The following CACNB2 variants were observed in gnomAD, a reference collection of about 807,000 sequenced individuals.
CACNB2 encodes the protein calcium voltage-gated channel auxiliary subunit beta 2.
CACNB2 carries 42 observed loss-of-function variants against 73.3 expected under a neutral mutation model. The observed-to-expected ratio is 0.57, with a 90% CI of 0.45 to 0.74. The LOEUF is 0.74. Among genes scored for constraint, CACNB2 ranks in the 30% least tolerant of loss-of-function variants. CACNB2 has a pLI of 0.00. For synonymous variants in CACNB2, 348 were observed against 310.3 expected (o/e 1.12, Z -1.28); for missense variants, 940 against 853.0 (o/e 1.10, Z -1.27).
At chr10:18,368,966 T>C (rs191058851) in intron 2 of CACNB2, among the ~76,000 whole-genome samples, 12 of 152,302 alleles carry the variant, frequency 7.9e-5, no homozygotes, top group African/African-American at 2.9e-4. Flanking sequence ...TCATTTGAAA[T>C]GTACTGGTAA....
intron 2 of CACNB2, among the ~76,000 whole-genome samples, chr10:18,240,640 A>G (rs557710502): frequency 1.2e-4 from 18 of 152,280 alleles, no homozygotes; most frequent in Middle Eastern, 3.4e-3. Context: ...CTACTGTTTC[A>G]GCAAAAGCCA....
intron 2 of CACNB2, among the ~76,000 whole-genome samples, chr10:18,325,010 C>T (rs1034585874): frequency 5.3e-5 from 8 of 152,230 alleles, no homozygotes; most frequent in African/African-American, 1.9e-4. Context: ...AAGGGCTCCA[C>T]ACTTGGATTA....
intron 3 of CACNB2, among the ~76,000 whole-genome samples, chr10:18,451,165 T>C (rs2047005186): frequency 6.6e-6 from 1 of 152,196 alleles, no homozygotes; most frequent in African/African-American, 2.4e-5. Flanking sequence ...TTGGACACAT[T>C]TGAGCATTTC....
chr10:18,193,930 A>T (rs940597436), intron 2 of CACNB2, among the ~76,000 whole-genome samples: 8 of 152,146 alleles, frequency 5.3e-5, no homozygotes, highest in Non-Finnish European at 1.2e-4. Context: ...AATACATCCT[A>T]TGGTATGTTA....
intron 6 of CACNB2, among the ~76,000 whole-genome samples, chr10:18,507,942 G>A (rs1325772065): frequency 6.6e-6 from 1 of 151,848 alleles, no homozygotes; most frequent in Non-Finnish European, 1.5e-5. Context: ...AAAAACTATA[G>A]GATTTTTTTT....
chr10:18,532,148 G>A (rs181753136), intron 10 of CACNB2, among the ~76,000 whole-genome samples: 9 of 151,996 alleles, frequency 5.9e-5, no homozygotes, highest in Non-Finnish European at 7.4e-5. Flanking sequence ...ATTTGTCATC[G>A]ATTCTTAAGG....
chr10:18,442,953 T>TAC (rs1564553504), intron 3 of CACNB2, among the ~76,000 whole-genome samples: 3 of 19,214 alleles, frequency 1.6e-4, no homozygotes, highest in African/African-American at 6.6e-4. Flanking sequence ...TGTATATATA[T>TAC]ATATGTATAT....
chr10:18,445,087 A>T (rs538974787), intron 3 of CACNB2, among the ~76,000 whole-genome samples: 11 of 152,320 alleles, frequency 7.2e-5, no homozygotes, highest in Non-Finnish European at 1.6e-4. Flanking sequence ...ACAAGTATCT[A>T]ATACAGTGAG....
intron 2 of CACNB2, among the ~76,000 whole-genome samples, chr10:18,265,630 T>G (rs180956105): frequency 1.3e-5 from 2 of 152,326 alleles, no homozygotes; most frequent in Admixed American, 1.3e-4. Flanking sequence ...AGCCTGGGTT[T>G]GAATTTTGAT....
intron 2 of CACNB2, among the ~76,000 whole-genome samples, chr10:18,194,870 G>A (rs932863860): frequency 1.3e-5 from 2 of 152,142 alleles, no homozygotes; most frequent in African/African-American, 2.4e-5. Flanking sequence ...ACATCATGAT[G>A]TCCATTCACT....
chr10:18,302,547 C>A (rs2039566352), intron 2 of CACNB2, among the ~76,000 whole-genome samples: 1 of 152,160 alleles, frequency 6.6e-6, no homozygotes, highest in South Asian at 2.1e-4. Flanking sequence ...GCATTTACAG[C>A]AACCTGGATG....
chr10:18,173,077 T>A (rs562989929), intron 2 of CACNB2, among the ~76,000 whole-genome samples: 14 of 151,992 alleles, frequency 9.2e-5, no homozygotes, highest in African/African-American at 2.9e-4. Flanking sequence ...TGCACAACCA[T>A]GACTGGCTAA....
Position 18,502,724 on chromosome 10 carries a change from A to AC in CACNB2, c.593+1778dup, listed in dbSNP as rs1248069005. ...AAAAAAAAAAAAAAAAAAAAAAAAA[A>AC]CCGCATGTTTTTACTTATAAGTGAG... On this transcript the variant is annotated intron_variant, in intron 5 of 13. Transcript: ENST00000324631. 6.9e-4 allele frequency among the ~76,000 whole-genome samples: 92 copies of AC among 133,924 alleles called. 1 individual carries two copies. Among genetic ancestry groups the AC allele is most frequent in the African/African-American group, 2.4e-3 (87 of 35,590 alleles). 87.9% of individuals were successfully genotyped at this position (133,924 alleles called of 152,430 possible). A position where few individuals can be genotyped will look rare whatever the true frequency, so the allele number is the denominator to read the frequency against.
intron 3 of CACNB2, among the ~76,000 whole-genome samples, chr10:18,411,839 T>G (rs767732152): frequency 6.6e-6 from 1 of 152,210 alleles, no homozygotes; most frequent in Non-Finnish European, 1.5e-5. Context: ...ATTTGAGCAG[T>G]CATGACCTTA....
At chr10:18,241,989 C>A (rs2036670392) in intron 2 of CACNB2, among the ~76,000 whole-genome samples, 2 of 151,854 alleles carry the variant, frequency 1.3e-5, no homozygotes, top group African/African-American at 4.8e-5. Flanking sequence ...TATAGTCAAC[C>A]ACCAATTTTA....
At chr10:18,362,053 T>C (rs1424176001) in intron 2 of CACNB2, among the ~76,000 whole-genome samples, 2 of 152,160 alleles carry the variant, frequency 1.3e-5, no homozygotes, top group Admixed American at 1.3e-4. Context: ...GATCTCAAGC[T>C]CCTGGGCTCA....
intron 9 of CACNB2, among the ~76,000 whole-genome samples, chr10:18,523,765 T>C (rs1374397581): frequency 5.3e-5 from 8 of 152,376 alleles, no homozygotes; most frequent in African/African-American, 1.9e-4. Flanking sequence ...ATCAGGTGTG[T>C]ATATACATAT....
chr10:18,345,928 C>T (rs1282330888), intron 2 of CACNB2, among the ~76,000 whole-genome samples: 2 of 152,188 alleles, frequency 1.3e-5, no homozygotes, highest in Non-Finnish European at 2.9e-5. Flanking sequence ...CCGAAGCACG[C>T]TTAGTATGAA....
At chr10:18,233,681 G>C (rs756975886) in intron 2 of CACNB2, among the ~76,000 whole-genome samples, 5 of 152,136 alleles carry the variant, frequency 3.3e-5, no homozygotes, top group Non-Finnish European at 7.3e-5. Flanking sequence ...TAGTAGGTAG[G>C]TATTGTGCTG....
Sources: gnomAD v4.1 joint callset for allele counts (sites outside exome capture counted in the v4.1 genomes callset) on GRCh38, gnomAD v4.1.1 for gene constraint, MANE v1.5 for transcripts, NCBI Gene and HGNC (gene_info 2026-07-23, HGNC 2026-07-21) for gene names.